The following FTL variants were observed in gnomAD, a reference collection of about 807,000 sequenced individuals.
FTL encodes the protein ferritin light chain.
In FTL, 17 loss-of-function variants were observed where a neutral mutation model predicts 16.6. That is an observed-to-expected ratio of 1.02 (90% confidence interval 0.70 to 1.53). The LOEUF is 1.53. FTL is among the 40% of genes most tolerant of loss of function. FTL has a pLI of 0.00. For missense variants in FTL, 186 were observed against 226.1 expected, an observed-to-expected ratio of 0.82 and a Z score of 1.14; for synonymous variants, 73 against 89.9, an observed-to-expected ratio of 0.81 and a Z score of 1.06.
In FTL at chr19:48,965,647, A is replaced by T. The variant is rs772075290; in HGVS notation, c.102+38A>T. The T allele has an allele frequency of 3.1e-6, 5 of 1,601,630 alleles. No homozygotes were observed. In the South Asian group the frequency reaches 5.5e-5, roughly 18 times the overall value. ...GACGCCCCTGGCCCTAATTTCCTCC[A>T]GCTGCGCACCTCCGGCCCTCACTGC... is the stretch of plus-strand genomic sequence containing the variant. On this transcript the variant is annotated intron_variant, in intron 1 of 3. Transcript: ENST00000331825.
chr19:48,966,194 T>C, intron 2 of FTL, 87 bp from the exon 3 acceptor site: 1 of 1,590,690 alleles, frequency 6.3e-7, no homozygotes, highest in Non-Finnish European at 8.6e-7. Flanking sequence ...GGCCTGGGCC[T>C]CTGACCCCCA....
intron 1 of FTL, 21 bp from the exon 2 acceptor site, chr19:48,965,749 T>C (rs1311251083): frequency 6.2e-7 from 1 of 1,614,134 alleles, no homozygotes; most frequent in South Asian, 1.1e-5. Flanking sequence ...TAACCATTGT[T>C]GCCTCCATCT....
At chr19:48,966,156 A>G in intron 2 of FTL, 125 bp from the exon 3 acceptor site, 1 of 1,436,134 alleles carries the variant, frequency 7.0e-7, no homozygotes, top group South Asian at 1.2e-5. Flanking sequence ...GCGGAGAGTG[A>G]TAAATACAAG....
At chr19:48,965,648 G>T in intron 1 of FTL, 39 bp downstream of exon 1, 1 of 1,601,486 alleles carries the variant, frequency 6.2e-7, no homozygotes, top group Non-Finnish European at 8.6e-7. Context: ...ATTTCCTCCA[G>T]CTGCGCACCT....
Position 48,965,329 on chromosome 19 carries a change from G to A in FTL, c.-179G>A, listed in dbSNP as rs1318499287. 1.5e-6 allele frequency: 1 copy of A among 648,320 alleles called. No homozygotes were observed. The allele number at this position is 648,320 out of a possible 1,614,324, so 40.2% of individuals were successfully genotyped here. A position where few individuals can be genotyped will look rare whatever the true frequency, so the allele number is the denominator to read the frequency against. On this transcript the variant is annotated 5_prime_UTR_variant, in exon 1 of 4. Coordinates refer to ENST00000331825, the MANE Select transcript of FTL (RefSeq NM_000146.4). ...CCCTCGCAGTTCGGCGGTCCCGCGG[G>A]TCTGTCTCTTGCTTCAACAGTGTTT...
Position 48,965,449 on chromosome 19 carries a change from C to T in FTL, c.-59C>T. On this transcript the variant is annotated 5_prime_UTR_variant, in exon 1 of 4. Coordinates refer to ENST00000331825, the MANE Select transcript of FTL (RefSeq NM_000146.4). ...TCCGGGACCATCTTCTCGGCCATCT[C>T]CTGCTTCTGGGACCTGCCAGCACCG... 13 of 1,174,600 alleles carry T rather than the reference C, an allele frequency of 1.1e-5. No homozygotes were observed. The highest frequency in any genetic ancestry group is 1.6e-5 in the Non-Finnish European group (13 of 788,886). 72.8% of individuals were successfully genotyped at this position (1,174,600 alleles called of 1,614,324 possible).
At position 48,965,852 on chromosome 19, in the gene FTL, G is replaced by C; in HGVS notation, c.185G>C (p.Gly62Ala). ...GAATTGGCCGAGGAGAAGCGCGAGG[G>C]CTACGAGCGTCTCCTGAAGATGCAA... ...FRELAEEKRE[G>A]YERLLKMQNQ... The change falls in exon 2 of 4, where the codon GGC becomes GCC. Residue 62 changes from glycine to alanine, a missense_variant. Physicochemically the swap from Gly to Ala is moderately conservative, Grantham distance 60 (BLOSUM62 0). Transcript: ENST00000331825. 1.2e-6 allele frequency: 2 copies of C among 1,614,184 alleles called. No individual in the cohort carries two copies. Among genetic ancestry groups the C allele is most frequent in the Non-Finnish European group, 1.7e-6 (2 of 1,180,030 alleles).
chr19:48,965,416 T>C lies in FTL; in HGVS notation c.-92T>C, dbSNP rs886054563. The C allele has an allele frequency of 7.0e-6, 6 of 861,430 alleles. No individual in the cohort carries two copies. The East Asian group carries it at 1.2e-4, about 17-fold the overall frequency. The allele number at this position is 861,430 out of a possible 1,614,324, so 53.4% of individuals were successfully genotyped here. A position where few individuals can be genotyped will look rare whatever the true frequency, so the allele number is the denominator to read the frequency against. On this transcript the variant is annotated 5_prime_UTR_variant, in exon 1 of 4. Transcript: ENST00000331825. ...GACCGCCCTCCGATTTCCTCTCCGC[T>C]TGCAACCTCCGGGACCATCTTCTCG...
In FTL at chr19:48,965,563, G is replaced by T; in HGVS notation, c.56G>T (p.Ser19Ile). The change falls in exon 1 of 4, where the codon AGC becomes ATC. Residue 19 changes from serine (S) to isoleucine (I), a missense_variant. Transcript: ENST00000331825. ...YSTDVEAAVN[S>I]LVNLYLQASY... ...ACCGACGTGGAGGCAGCCGTCAACA[G>T]CCTGGTCAATTTGTACCTGCAGGCC... 6.2e-7 allele frequency: 1 copy of T among 1,614,106 alleles called. No homozygotes were observed. The highest frequency in any genetic ancestry group is 8.5e-7 in the Non-Finnish European group (1 of 1,179,974).
At chr19:48,965,996 C>G in intron 2 of FTL, 80 bp downstream of exon 2, 1 of 1,542,040 alleles carries the variant, frequency 6.5e-7, no homozygotes, top group Non-Finnish European at 8.9e-7. Flanking sequence ...GCGTAGGTGT[C>G]GCGTGGGCTT....
intron 2 of FTL, 39 bp from the exon 3 acceptor site, chr19:48,966,242 G>C: frequency 1.2e-6 from 2 of 1,613,428 alleles, no homozygotes; most frequent in Non-Finnish European, 1.7e-6. Context: ...TCTATGTGCC[G>C]AGTGTGTGTA....
chr19:48,966,113 A>T, intron 2 of FTL, 168 bp from the exon 3 acceptor site: 1 of 1,212,442 alleles, frequency 8.2e-7, no homozygotes, highest in Non-Finnish European at 1.2e-6. Flanking sequence ...GCGTGGTCTT[A>T]GGGACGTATA....
chr19:48,965,665 C>T, intron 1 of FTL, 56 bp downstream of exon 1: 1 of 1,601,672 alleles, frequency 6.2e-7, no homozygotes, highest in Non-Finnish European at 8.6e-7. Context: ...ACCTCCGGCC[C>T]TCACTGCACG....
chr19:48,966,507 T>G (rs1325664271), intron 3 of FTL, 76 bp from the exon 4 acceptor site: 2 of 1,612,634 alleles, frequency 1.2e-6, no homozygotes, highest in African/African-American at 2.7e-5. Context: ...CCTGTCACAT[T>G]TTAATCTGCA....
rs1452171047 is a variant in FTL, at chr19:48,966,327, C to G, written c.296C>G (p.Ala99Gly). The G allele has an allele frequency of 6.2e-7, 1 of 1,614,072 alleles. No individual in the cohort carries two copies. Among genetic ancestry groups the G allele is most frequent in the Non-Finnish European group, 8.5e-7 (1 of 1,180,024 alleles). Residue 99 changes from alanine (A) to glycine (G), a missense_variant, in exon 3 of 4, where the codon GCT (alanine) becomes GGT (glycine). Ala to Gly is a moderately conservative substitution (Grantham distance 60). Transcript: ENST00000331825. ...EWGKTPDAMK[A>G]AMALEKKLNQ... The stretch of plus-strand genomic sequence containing the variant: ...GGTAAAACCCCAGACGCCATGAAAG[C>G]TGCCATGGCCCTGGAGAAAAAGCTG...
chr19:48,966,106 TG>T, intron 2 of FTL, 174 bp from the exon 3 acceptor site: 1 of 1,199,922 alleles, frequency 8.3e-7, no homozygotes, highest in Non-Finnish European at 1.2e-6. Context: ...CACCGCTGCG[TG>T]GTCTTAGGGA....
In FTL at chr19:48,966,645, T is replaced by C. The variant is rs1424741196; in HGVS notation, c.438T>C (p.Gly146=). The C allele has an allele frequency of 1.2e-6, 2 of 1,613,928 alleles. No individual in the cohort carries two copies. Among genetic ancestry groups the C allele is most frequent in the Admixed American group, 1.7e-5 (1 of 60,004 alleles). Residue 146 remains glycine (G), a synonymous_variant, in exon 4 of 4, where the codon GGT becomes GGC. Coordinates refer to ENST00000331825, the MANE Select transcript of FTL (RefSeq NM_000146.4). The part of the protein sequence containing the change: ...DEEVKLIKKM[G]DHLTNLHRLG... ...AAGTGAAGCTTATCAAGAAGATGGG[T>C]GACCACCTGACCAACCTCCACAGGC... is the stretch of plus-strand genomic sequence containing the variant.
intron 2 of FTL, 165 bp from the exon 3 acceptor site, chr19:48,966,116 G>C: frequency 8.1e-7 from 1 of 1,228,846 alleles, no homozygotes; most frequent in Non-Finnish European, 1.2e-6. Context: ...TGGTCTTAGG[G>C]ACGTATAGCT....
chr19:48,965,736 C>T (rs910914769), intron 1 of FTL, 34 bp from the exon 2 acceptor site: 1 of 1,614,036 alleles, frequency 6.2e-7, no homozygotes, highest in African/African-American at 1.3e-5. Flanking sequence ...CCTCGCCTCC[C>T]GCTAACCATT....
Sources: allele counts gnomAD v4.1 joint callset, GRCh38; gene constraint gnomAD v4.1.1; transcripts MANE v1.5; gene names NCBI Gene and HGNC (gene_info 2026-07-23, HGNC 2026-07-21).